The following FBXL7 variants were observed in gnomAD, a reference collection of about 807,000 sequenced individuals.
FBXL7 encodes F-box and leucine rich repeat protein 7, also known as F-box/LRR-repeat protein 7.
Under a neutral mutation model 38.3 loss-of-function variants are expected in FBXL7, and 12 were observed. That is an observed-to-expected ratio of 0.31 (90% CI 0.20 to 0.51). FBXL7 has a LOEUF of 0.51. Ranked by LOEUF, FBXL7 falls within the 20% of genes least tolerant of loss-of-function variation. FBXL7 has a pLI of 0.98. For synonymous variants in FBXL7, 297 were observed against 300.9 expected (o/e 0.99, Z 0.13); for missense variants, 567 against 676.4 (o/e 0.84, Z 1.79).
At chr5:15,796,313 G>A (rs761833307) in intron 2 of FBXL7, among the ~76,000 whole-genome samples, 8 of 152,136 alleles carry the variant, frequency 5.3e-5, no homozygotes, top group Non-Finnish European at 8.8e-5. Flanking sequence ...GGCCAAATCT[G>A]TCCTTTCCCT....
intron 2 of FBXL7, among the ~76,000 whole-genome samples, chr5:15,760,176 G>A (rs1736400523): frequency 6.6e-6 from 1 of 152,052 alleles, no homozygotes; most frequent in South Asian, 2.1e-4. Flanking sequence ...TGGGGTAAGA[G>A]TCAGCTGTTC....
chr5:15,504,332 G>A (rs1295966553), intron 1 of FBXL7, among the ~76,000 whole-genome samples: 1 of 152,204 alleles, frequency 6.6e-6, no homozygotes, highest in Admixed American at 6.5e-5. Context: ...TTAACTAACA[G>A]GGAAGTTAAG....
rs552271135 is a variant in FBXL7 at position 15,858,258 on chromosome 5, A to G, written c.128-69632A>G. 6.6e-5 allele frequency among the ~76,000 whole-genome samples: 10 copies of G among 150,766 alleles called. 1 individual carries two copies. The highest frequency in any genetic ancestry group is 2.4e-4 in the African/African-American group (10 of 41,272). On this transcript the variant is annotated intron_variant, in intron 2 of 3. Coordinates refer to ENST00000504595, the MANE Select transcript of FBXL7 (RefSeq NM_012304.5). ...ATATTATATATAATACATATTCAAA[A>G]CTTATTTAGGATTTATCATTCAAAC...
At chr5:15,795,897 G>A (rs1456216264) in intron 2 of FBXL7, among the ~76,000 whole-genome samples, 1 of 152,138 alleles carries the variant, frequency 6.6e-6, no homozygotes. Context: ...AAGAGAAAAG[G>A]GAGCTACATC....
chr5:15,904,769 C>G (rs2126416316), intron 2 of FBXL7, among the ~76,000 whole-genome samples: 1 of 151,830 alleles, frequency 6.6e-6, no homozygotes, highest in Non-Finnish European at 1.5e-5. Flanking sequence ...ATACATTAGC[C>G]TAAGAAAAAT....
At chr5:15,611,603 C>T (rs528159034) in intron 1 of FBXL7, among the ~76,000 whole-genome samples, 2 of 151,338 alleles carry the variant, frequency 1.3e-5, no homozygotes, top group Non-Finnish European at 2.9e-5. Context: ...TCTCAGGAAC[C>T]TAACTCTGTT....
chr5:15,873,839 A>G (rs1362800245), intron 2 of FBXL7, among the ~76,000 whole-genome samples: 1 of 152,198 alleles, frequency 6.6e-6, no homozygotes, highest in East Asian at 1.9e-4. Context: ...CCAGAGGTAC[A>G]AAGAGGAGCT....
intron 2 of FBXL7, among the ~76,000 whole-genome samples, chr5:15,804,809 G>A (rs2126745542): frequency 6.6e-6 from 1 of 152,254 alleles, no homozygotes; most frequent in East Asian, 1.9e-4. Flanking sequence ...GATGATCTGA[G>A]GTGGAACTGT....
intron 1 of FBXL7, among the ~76,000 whole-genome samples, chr5:15,581,643 G>A (rs897893856): frequency 6.6e-6 from 1 of 152,184 alleles, no homozygotes; most frequent in African/African-American, 2.4e-5. Flanking sequence ...CTACTCAGCA[G>A]ACTGTCCTGA....
chr5:15,800,020 G>C (rs1035221021), intron 2 of FBXL7, among the ~76,000 whole-genome samples: 1 of 152,108 alleles, frequency 6.6e-6, no homozygotes, highest in African/African-American at 2.4e-5. Context: ...CAGTGATTTT[G>C]GGAGGGGTTT....
At chr5:15,756,122 GT>G (rs1217832461) in intron 2 of FBXL7, among the ~76,000 whole-genome samples, 2 of 152,144 alleles carry the variant, frequency 1.3e-5, no homozygotes, top group African/African-American at 4.8e-5. Context: ...GTTCAATCTA[GT>G]TACTGATTTA....
intron 2 of FBXL7, among the ~76,000 whole-genome samples, chr5:15,688,500 C>T (rs556332756): frequency 6.4e-4 from 97 of 152,316 alleles, no homozygotes; most frequent in Middle Eastern, 3.4e-3. Flanking sequence ...AAACCATTCT[C>T]TTAACCATCT....
chr5:15,576,143 C>T (rs1400701441), intron 1 of FBXL7, among the ~76,000 whole-genome samples: 1 of 124,926 alleles, frequency 8.0e-6, no homozygotes, highest in African/African-American at 3.2e-5. Flanking sequence ...AGTGCAATGG[C>T]GTGATCTTGG....
At chr5:15,717,705 T>C (rs1245930437) in intron 2 of FBXL7, among the ~76,000 whole-genome samples, 1 of 152,154 alleles carries the variant, frequency 6.6e-6, no homozygotes, top group Non-Finnish European at 1.5e-5. Flanking sequence ...CGGCCAAAGA[T>C]ACATAATCTG....
At chr5:15,851,387 G>A (rs1739090009) in intron 2 of FBXL7, among the ~76,000 whole-genome samples, 2 of 152,110 alleles carry the variant, frequency 1.3e-5, no homozygotes, top group South Asian at 2.1e-4. Flanking sequence ...AGGTCGCAAC[G>A]GCACCTAACC....
chr5:15,811,469 T>C (rs1737856871), intron 2 of FBXL7, among the ~76,000 whole-genome samples: 1 of 152,090 alleles, frequency 6.6e-6, no homozygotes, highest in Non-Finnish European at 1.5e-5. Context: ...ACAGAAGTCA[T>C]ATTGGATTAG....
intron 2 of FBXL7, among the ~76,000 whole-genome samples, chr5:15,729,354 A>C (rs2126661119): frequency 6.6e-6 from 1 of 152,194 alleles, no homozygotes; most frequent in African/African-American, 2.4e-5. Flanking sequence ...TGGGTGGCTG[A>C]CTTCTAATAG....
chr5:15,613,566 T>A (rs1239386727), intron 1 of FBXL7, among the ~76,000 whole-genome samples: 3 of 152,136 alleles, frequency 2.0e-5, no homozygotes, highest in Non-Finnish European at 4.4e-5. Context: ...TGGGTGATAG[T>A]GAGAGGAAAT....
At chr5:15,875,621 G>T (rs1740167508) in intron 2 of FBXL7, among the ~76,000 whole-genome samples, 1 of 152,170 alleles carries the variant, frequency 6.6e-6, no homozygotes, top group Non-Finnish European at 1.5e-5. Flanking sequence ...TTCAAAAGAA[G>T]ACATTTATAC....
Sources: allele counts gnomAD v4.1 joint callset (sites outside exome capture counted in the v4.1 genomes callset), GRCh38; gene constraint gnomAD v4.1.1; transcripts MANE v1.5; gene names NCBI Gene and HGNC (gene_info 2026-07-23, HGNC 2026-07-21).